SLC9C2: variants seen among roughly 807,000 people sequenced by gnomAD.
SLC9C2 encodes solute carrier family 9 member C2 (putative), also known as sodium/hydrogen exchanger 11.
SLC9C2 carries 75 observed loss-of-function variants against 140.2 expected under a neutral mutation model. That is an observed-to-expected ratio of 0.53 (90% CI 0.44 to 0.65). The LOEUF (loss-of-function observed/expected upper bound fraction) is 0.65. Ranked by LOEUF, SLC9C2 falls within the 30% of genes least tolerant of loss-of-function variation. The probability of loss-of-function intolerance (pLI) is 0.00; values close to 1 mark genes in which losing one functional copy is unlikely to be tolerated. For synonymous variants in SLC9C2, 375 were observed against 420.9 expected (o/e 0.89, Z 1.34); for missense variants, 1,074 against 1,331.8 (o/e 0.81, Z 3.01).
chr1:173,514,484 T>G (rs759750684), intron 23 of SLC9C2, among the ~76,000 whole-genome samples: 1 of 152,156 alleles, frequency 6.6e-6, no homozygotes, highest in African/African-American at 2.4e-5. Flanking sequence ...CCTGCTTTTT[T>G]TTTGTTTGTT....
chr1:173,519,867 G>A (rs1327180961), intron 22 of SLC9C2, among the ~76,000 whole-genome samples: 1 of 151,932 alleles, frequency 6.6e-6, no homozygotes, highest in Non-Finnish European at 1.5e-5. Context: ...TAGGGTTGTT[G>A]GCCTGGTTCG....
Position 173,503,332 on chromosome 1 carries a change from C to T in SLC9C2, c.3311-6G>A. The T allele has an allele frequency of 1.9e-6, 3 of 1,611,980 alleles. No homozygotes were observed. Among genetic ancestry groups the T allele is most frequent in the Non-Finnish European group, 1.7e-6 (2 of 1,178,978 alleles). On this transcript the variant is annotated splice_region_variant and splice_polypyrimidine_tract_variant and intron_variant, in intron 26 of 27. Coordinates refer to ENST00000367714, the MANE Select transcript of SLC9C2 (RefSeq NM_178527.4). The stretch of plus-strand genomic sequence containing the variant: ...AAAGACCGTGTTGACTGAGGCTAAC[C>T]AAATCCAAGCATTGAACAGAAAAAG...
chr1:173,521,238 A>G (rs181180392), intron 22 of SLC9C2, 63 bp downstream of exon 22: 205 of 928,478 alleles, frequency 2.2e-4, no homozygotes, highest in Non-Finnish European at 3.1e-4. Context: ...TTCTTATTCT[A>G]CAATTACATG....
chr1:173,544,626 G>C (rs1180494192), intron 13 of SLC9C2, among the ~76,000 whole-genome samples: 4 of 152,172 alleles, frequency 2.6e-5, no homozygotes, highest in African/African-American at 7.2e-5. Flanking sequence ...ATCAATGATA[G>C]ACTGGATTAA....
chr1:173,531,328 T>C (rs1253498529), intron 17 of SLC9C2, among the ~76,000 whole-genome samples: 1 of 152,216 alleles, frequency 6.6e-6, no homozygotes, highest in African/African-American at 2.4e-5. Context: ...GATTTGGTTT[T>C]TGTAAAGTCC....
intron 7 of SLC9C2, among the ~76,000 whole-genome samples, chr1:173,579,165 A>T (rs1436543284): frequency 1.3e-5 from 2 of 152,234 alleles, no homozygotes; most frequent in Non-Finnish European, 2.9e-5. Context: ...TCTTACCTGA[A>T]CAAATGCAAC....
intron 23 of SLC9C2, among the ~76,000 whole-genome samples, chr1:173,511,029 CTTTTTTTTTTT>C (rs71111066): frequency 0.014 from 1,198 of 86,830 alleles, 45 homozygotes; most frequent in African/African-American, 0.063. Context: ...CTTTCTTTTC[CTTTTTTTTTTT>C]TTTTTTTTTT....
rs1666534786 is a variant in SLC9C2 at position 173,597,912 on chromosome 1, A to T, written c.349T>A (p.Phe117Ile). The T allele has an allele frequency of 6.3e-7, 1 of 1,582,546 alleles. No homozygotes were observed. The highest frequency in any genetic ancestry group is 1.4e-5 in the African/African-American group (1 of 73,104). The change falls in exon 4 of 28, where the codon TTT becomes ATT. Residue 117 changes from phenylalanine (F) to isoleucine (I), a missense_variant. By Grantham distance (21) the Phe-to-Ile change is conservative. Coordinates refer to ENST00000367714, the MANE Select transcript of SLC9C2 (RefSeq NM_178527.4). ...DVEFYTLKKM[F>I]WQVLLTGLIS... ...TTTAAATGTGTTCTTACCTGCCAAAACATTTTCTTGAGTGTATAAAATTCT... is the reference window on the plus strand; with the variant it reads ...TTTAAATGTGTTCTTACCTGCCAAATCATTTTCTTGAGTGTATAAAATTCT...
chr1:173,501,063 TA>T lies in SLC9C2; in HGVS notation c.*30del, dbSNP rs1284793255. On this transcript the variant is annotated 3_prime_UTR_variant, in exon 28 of 28. Transcript: ENST00000367714. ...ACTCCACACATCATATTTGTATCAT[TA>T]ATACCCTTTTCTAAAATGGTATCCA... 6.5e-7 allele frequency: 1 copy of T among 1,533,208 alleles called. No individual in the cohort carries two copies. The allele number at this position is 1,533,208 out of a possible 1,614,324, so 95.0% of individuals were successfully genotyped here.
chr1:173,547,768 T>C lies in SLC9C2; in HGVS notation c.1478A>G (p.His493Arg), dbSNP rs140112573. 47 of 1,610,406 alleles carry C rather than the reference T, an allele frequency of 2.9e-5. No individual in the cohort carries two copies. The highest frequency in any genetic ancestry group is 1.6e-4 in the Middle Eastern group (1 of 6,074). ...IEYIPFSHVS[H>R]NDMKTESTTD... ...TGTGGATTCTGTCTTCATATCATTA[T>C]GTGAAACGTGGGAAAACTGAACCGT... The change falls in exon 13 of 28, where the codon CAT becomes CGT. Residue 493 changes from histidine to arginine, a missense_variant. Physicochemically the swap from His to Arg is conservative, Grantham distance 29. Transcript: ENST00000367714.
At position 173,512,084 on chromosome 1, in the gene SLC9C2, G is replaced by T. The variant is rs566598548; in HGVS notation, c.2908-2385C>A. 1.1e-4 allele frequency among the ~76,000 whole-genome samples: 17 copies of T among 152,258 alleles called. 2 individuals are homozygous for T. Among genetic ancestry groups the T allele is most frequent in the African/African-American group, 4.1e-4 (17 of 41,562 alleles). On this transcript the variant is annotated intron_variant, in intron 23 of 27. Coordinates refer to ENST00000367714, the MANE Select transcript of SLC9C2 (RefSeq NM_178527.4). ...GTGGTATAGTTTGAAGTCAGCTAGC[G>T]TGATGCCTCCAGCTTTGTTCTTTTT...
chr1:173,600,055 G>A, intron 3 of SLC9C2, 62 bp downstream of exon 3: 1 of 1,054,356 alleles, frequency 9.5e-7, no homozygotes, highest in South Asian at 1.7e-5. Flanking sequence ...GGGATGAGAT[G>A]GGAGTGGACT....
At chr1:173,528,925 G>A (rs1386221599) in intron 18 of SLC9C2, among the ~76,000 whole-genome samples, 3 of 152,098 alleles carry the variant, frequency 2.0e-5, no homozygotes, top group Admixed American at 6.6e-5. Flanking sequence ...ACAATGAATA[G>A]GAGAGTGAAC....
chr1:173,537,080 T>C (rs773365746), intron 13 of SLC9C2, 41 bp from the exon 14 acceptor site: 18 of 1,485,534 alleles, frequency 1.2e-5, no homozygotes, highest in African/African-American at 2.8e-5. Flanking sequence ...GATCAAAACA[T>C]AAATGGAATG....
In SLC9C2 at chr1:173,568,317, T is replaced by C. The variant is rs575596957; in HGVS notation, c.1046+4865A>G. 4.6e-5 allele frequency among the ~76,000 whole-genome samples: 7 copies of C among 152,258 alleles called. 1 individual carries two copies. The South Asian group carries it at 1.2e-3, about 27-fold the overall frequency. ...CTCAAGTAGATCTCAGTGTCTGTTG[T>C]TTCCTTCTTTGTATTCGTAAGTTCT... is the stretch of plus-strand genomic sequence containing the variant. On this transcript the variant is annotated intron_variant, in intron 9 of 27. Coordinates refer to ENST00000367714, the MANE Select transcript of SLC9C2 (RefSeq NM_178527.4).
chr1:173,555,093 C>T (rs56059915), intron 10 of SLC9C2, among the ~76,000 whole-genome samples: 190 of 152,318 alleles, frequency 1.2e-3, no homozygotes, highest in African/African-American at 4.4e-3. Flanking sequence ...ACAGTTGCCA[C>T]TCCTGGCAGC....
intron 5 of SLC9C2, among the ~76,000 whole-genome samples, chr1:173,585,184 G>A (rs1264752183): frequency 6.6e-6 from 1 of 151,944 alleles, no homozygotes; most frequent in Non-Finnish European, 1.5e-5. Flanking sequence ...TTTAAAACAG[G>A]TAATGGATAG....
intron 13 of SLC9C2, among the ~76,000 whole-genome samples, chr1:173,546,690 C>A (rs1387731983): frequency 6.6e-6 from 1 of 152,024 alleles, no homozygotes; most frequent in Non-Finnish European, 1.5e-5. Context: ...CATATCAGTT[C>A]ATTGCAATGT....
chr1:173,555,515 G>A (rs1663613067), intron 10 of SLC9C2, among the ~76,000 whole-genome samples: 1 of 152,130 alleles, frequency 6.6e-6, no homozygotes. Flanking sequence ...TCCCGCTGTG[G>A]GTTGTGATTC....
Sources: allele counts gnomAD v4.1 joint callset (sites outside exome capture counted in the v4.1 genomes callset), GRCh38; gene constraint gnomAD v4.1.1; transcripts MANE v1.5; gene names NCBI Gene and HGNC (gene_info 2026-07-23, HGNC 2026-07-21).